SKAP2: variants seen among roughly 807,000 people sequenced by gnomAD.
SKAP2 encodes src kinase associated phosphoprotein 2.
A neutral mutation model predicts 54.9 loss-of-function variants in SKAP2; 28 were observed. The observed-to-expected ratio is 0.51, with a 90% CI of 0.38 to 0.70. The LOEUF is 0.70. SKAP2 is among the 30% of genes least tolerant of loss of function. SKAP2 has a pLI of 0.00. For synonymous variants in SKAP2, 137 were observed against 134.3 expected (o/e 1.02, Z -0.14); for missense variants, 356 against 424.1 (o/e 0.84, Z 1.41).
chr7:26,739,602 C>A (rs1401867667), intron 5 of SKAP2, among the ~76,000 whole-genome samples: 1 of 152,230 alleles, frequency 6.6e-6, no homozygotes, highest in African/African-American at 2.4e-5. Flanking sequence ...TTTGAGAATA[C>A]AGTCATGGCC....
intron 4 of SKAP2, among the ~76,000 whole-genome samples, chr7:26,809,545 A>C (rs1784095503): frequency 6.6e-6 from 1 of 152,214 alleles, no homozygotes; most frequent in African/African-American, 2.4e-5. Flanking sequence ...AATTAAAACC[A>C]CAATGAGATA....
intron 9 of SKAP2, among the ~76,000 whole-genome samples, chr7:26,710,864 T>C (rs1038123004): frequency 1.3e-5 from 2 of 152,206 alleles, no homozygotes; most frequent in East Asian, 3.8e-4. Context: ...ATATACGTTG[T>C]CTCAGCATCA....
intron 4 of SKAP2, among the ~76,000 whole-genome samples, chr7:26,824,517 A>G (rs1159875784): frequency 6.6e-6 from 1 of 152,186 alleles, no homozygotes. Flanking sequence ...ATATACCTAT[A>G]GGCCAAATTT....
At chr7:26,689,059 C>A (rs1786717547) in intron 10 of SKAP2, among the ~76,000 whole-genome samples, 1 of 152,124 alleles carries the variant, frequency 6.6e-6, no homozygotes, top group Non-Finnish European at 1.5e-5. Context: ...CTAACCAAAA[C>A]CTTTTGTAGC....
chr7:26,706,375 G>GT (rs925598258), intron 9 of SKAP2, among the ~76,000 whole-genome samples: 17 of 151,824 alleles, frequency 1.1e-4, no homozygotes, highest in Admixed American at 7.9e-4. Flanking sequence ...TAATATCTAT[G>GT]TTTTTTTTAT....
intron 4 of SKAP2, among the ~76,000 whole-genome samples, chr7:26,792,189 G>A (rs1783684829): frequency 6.6e-6 from 1 of 152,190 alleles, no homozygotes; most frequent in East Asian, 1.9e-4. Context: ...GGCTGGGTGT[G>A]GAGGCAGGGT....
chr7:26,723,777 T>C (rs1584352677), intron 9 of SKAP2, among the ~76,000 whole-genome samples: 1 of 152,130 alleles, frequency 6.6e-6, no homozygotes, highest in African/African-American at 2.4e-5. Flanking sequence ...ATTTCAACAA[T>C]TGTAATGTAA....
chr7:26,664,683 AT>A (rs1291327122), downstream of SKAP2, among the ~76,000 whole-genome samples: 1 of 151,256 alleles, frequency 6.6e-6, no homozygotes, highest in Non-Finnish European at 1.5e-5. Context: ...GGGCTGTGCT[AT>A]ATTGCCTCTC....
chr7:26,734,733 G>A (rs766593680), intron 6 of SKAP2, among the ~76,000 whole-genome samples: 16 of 152,068 alleles, frequency 1.1e-4, no homozygotes, highest in East Asian at 5.8e-4. Flanking sequence ...GTCACATGGC[G>A]GAAAGGCAAG....
At chr7:26,708,030 C>G (rs958834861) in intron 9 of SKAP2, among the ~76,000 whole-genome samples, 1 of 152,148 alleles carries the variant, frequency 6.6e-6, no homozygotes, top group Non-Finnish European at 1.5e-5. Flanking sequence ...GATAAGCTCA[C>G]AATACATGGA....
intron 9 of SKAP2, among the ~76,000 whole-genome samples, chr7:26,701,538 G>A (rs952787786): frequency 1.3e-5 from 2 of 152,034 alleles, no homozygotes; most frequent in Non-Finnish European, 2.9e-5. Context: ...TTTGAAACCA[G>A]CCTGACCAAT....
chr7:26,757,421 A>G (rs1039098264), intron 4 of SKAP2, among the ~76,000 whole-genome samples: 2 of 152,170 alleles, frequency 1.3e-5, no homozygotes, highest in Non-Finnish European at 2.9e-5. Context: ...ACCATTTATT[A>G]AATAGGGAAT....
chr7:26,703,452 T>G (rs1387723552), intron 9 of SKAP2, among the ~76,000 whole-genome samples: 1 of 152,326 alleles, frequency 6.6e-6, no homozygotes, highest in East Asian at 1.9e-4. Flanking sequence ...TAAAATTAAT[T>G]ATATAATGGA....
At chr7:26,851,540 C>G (rs1785042919) in intron 3 of SKAP2, among the ~76,000 whole-genome samples, 1 of 151,674 alleles carries the variant, frequency 6.6e-6, no homozygotes, top group East Asian at 1.9e-4. Context: ...TACAGGAAGG[C>G]GGACATCACA....
intron 9 of SKAP2, among the ~76,000 whole-genome samples, chr7:26,712,235 G>A (rs1377546578): frequency 6.6e-6 from 1 of 152,124 alleles, no homozygotes; most frequent in Non-Finnish European, 1.5e-5. Context: ...ATACTCCAAT[G>A]AGCATTTCCT....
At chr7:26,656,965 T>C in the SKAP2 span, among the ~76,000 whole-genome samples, 1 of 152,094 alleles carries the variant, frequency 6.6e-6, no homozygotes, top group African/African-American at 2.4e-5. Flanking sequence ...GTGGGTTGCC[T>C]CCAGATCACC....
At chr7:26,719,562 T>C (rs1787533592) in intron 9 of SKAP2, among the ~76,000 whole-genome samples, 1 of 152,170 alleles carries the variant, frequency 6.6e-6, no homozygotes, top group Non-Finnish European at 1.5e-5. Context: ...AGAACAACCC[T>C]ATCAGAATAG....
chr7:26,800,811 C>T (rs1163404274), intron 4 of SKAP2, among the ~76,000 whole-genome samples: 1 of 152,088 alleles, frequency 6.6e-6, no homozygotes, highest in Non-Finnish European at 1.5e-5. Context: ...AAATCCAAAA[C>T]TGGAACAGAC....
chr7:26,663,852 A>C (rs991457339), downstream of SKAP2, among the ~76,000 whole-genome samples: 3 of 152,046 alleles, frequency 2.0e-5, no homozygotes, highest in Non-Finnish European at 4.4e-5. Context: ...TCCTATTTTC[A>C]TCTGGACTGG....
Sources: allele counts gnomAD v4.1 joint callset (sites outside exome capture counted in the v4.1 genomes callset), GRCh38; gene constraint gnomAD v4.1.1; transcripts MANE v1.5; gene names NCBI Gene and HGNC (gene_info 2026-07-23, HGNC 2026-07-21).